NTNG1: variants seen among roughly 807,000 people sequenced by gnomAD.
NTNG1 encodes netrin-G1.
In NTNG1, 16 loss-of-function variants were observed where a neutral mutation model predicts 54.0. The observed-to-expected ratio is 0.30, with a 90% CI of 0.20 to 0.45. The LOEUF (loss-of-function observed/expected upper bound fraction) is 0.45, where lower values mean the gene tolerates loss of function less well. NTNG1 is among the 20% of genes least tolerant of loss of function. The probability of loss-of-function intolerance (pLI) is 1.00; values close to 1 mark genes in which losing one functional copy is unlikely to be tolerated. For missense variants in NTNG1, 530 were observed against 678.7 expected, an observed-to-expected ratio of 0.78 and a Z score of 2.43; for synonymous variants, 255 against 263.1, an observed-to-expected ratio of 0.97 and a Z score of 0.30.
intron 2 of NTNG1, among the ~76,000 whole-genome samples, chr1:107,229,421 A>T (rs776719907): frequency 1.3e-5 from 2 of 151,264 alleles, no homozygotes; most frequent in African/African-American, 4.9e-5. Flanking sequence ...CTGGAATGAG[A>T]ATATTCCTTT....
chr1:107,214,903 TA>T lies in NTNG1; in HGVS notation c.246+66065del, dbSNP rs543224537. 4.6e-3 allele frequency among the ~76,000 whole-genome samples: 705 copies of T among 152,268 alleles called. 1 individual carries two copies. The highest frequency in any genetic ancestry group is 0.016 in the African/African-American group (664 of 41,576). On this transcript the variant is annotated intron_variant, in intron 2 of 7. Transcript: ENST00000370068. ...ATTAGTGATGTTGAGCATTGTTTCATATTTTTTTTGGCCATTTGTATATATT... is the reference window on the plus strand; with the variant it reads ...ATTAGTGATGTTGAGCATTGTTTCATTTTTTTTTGGCCATTTGTATATATT...
intron 7 of NTNG1, among the ~76,000 whole-genome samples, chr1:107,458,544 C>A (rs1203894786): frequency 6.6e-6 from 1 of 152,152 alleles, no homozygotes; most frequent in East Asian, 1.9e-4. Context: ...TCATTTGAGA[C>A]ATGGACAGAA....
At chr1:107,166,852 A>C (rs554751797) in intron 2 of NTNG1, among the ~76,000 whole-genome samples, 2 of 152,304 alleles carry the variant, frequency 1.3e-5, no homozygotes, top group South Asian at 4.1e-4. Context: ...GAGATATACA[A>C]TATCTACATA....
At chr1:107,332,234 GA>G (rs1242417211) in intron 3 of NTNG1, among the ~76,000 whole-genome samples, 1 of 151,994 alleles carries the variant, frequency 6.6e-6, no homozygotes, top group Admixed American at 6.6e-5. Context: ...TTTAAATTAT[GA>G]AATTCATTAG....
chr1:107,191,116 A>G (rs1445874332), intron 2 of NTNG1, among the ~76,000 whole-genome samples: 4 of 152,210 alleles, frequency 2.6e-5, no homozygotes, highest in Non-Finnish European at 5.9e-5. Flanking sequence ...AATGATCGCC[A>G]TTCTAACCGG....
chr1:107,239,828 A>G (rs1661702086), intron 2 of NTNG1, among the ~76,000 whole-genome samples: 1 of 152,232 alleles, frequency 6.6e-6, no homozygotes, highest in Non-Finnish European at 1.5e-5. Flanking sequence ...GGTGGATCTC[A>G]ATATGAAATG....
intron 3 of NTNG1, among the ~76,000 whole-genome samples, chr1:107,380,046 A>ATGTT (rs1440403477): frequency 2.6e-5 from 4 of 152,246 alleles, no homozygotes; most frequent in African/African-American, 9.6e-5. Context: ...AGCATCAAGC[A>ATGTT]TGTTAAGGCA....
chr1:107,457,626 AT>A (rs1677035989), intron 7 of NTNG1, among the ~76,000 whole-genome samples: 1 of 152,096 alleles, frequency 6.6e-6, no homozygotes, highest in South Asian at 2.1e-4. Context: ...AATCTTATGC[AT>A]TTTTTAATAA....
rs563574929 is a variant in NTNG1 at position 107,303,550 on chromosome 1, T to C, written c.247-20732T>C. On this transcript the variant is annotated intron_variant, in intron 2 of 7. Coordinates refer to ENST00000370068, the MANE Select transcript of NTNG1 (RefSeq NM_001113226.3). Reference sequence around the variant, plus strand: ...ATAGATTTATCTTTTCCTTTTTCACTACATTTCTTTGCACTCTGTCATCAA... The same window carrying C: ...ATAGATTTATCTTTTCCTTTTTCACCACATTTCTTTGCACTCTGTCATCAA... Among the ~76,000 whole-genome samples the C allele has an allele frequency of 3.8e-4, 58 of 152,344 alleles. 2 individuals are homozygous for C. The South Asian group carries it at 0.012, about 31-fold the overall frequency.
intron 5 of NTNG1, 180 bp downstream of exon 5, chr1:107,407,888 GA>G: frequency 1.3e-6 from 1 of 748,868 alleles, no homozygotes; most frequent in Non-Finnish European, 2.5e-6. Flanking sequence ...CAGATAAAGT[GA>G]TTATTTGTGC....
intron 6 of NTNG1, 61 bp from the exon 7 acceptor site, chr1:107,436,604 G>A: frequency 6.6e-6 from 10 of 1,503,924 alleles, no homozygotes; most frequent in Non-Finnish European, 9.0e-6. Flanking sequence ...ACGCTCCTGT[G>A]TTGATAACCT....
At chr1:107,203,610 A>G (rs1270220983) in intron 2 of NTNG1, among the ~76,000 whole-genome samples, 1 of 151,312 alleles carries the variant, frequency 6.6e-6, no homozygotes, top group Non-Finnish European at 1.5e-5. Context: ...ACACATATAT[A>G]TAGCTATTCT....
chr1:107,374,323 C>T (rs1358922305), intron 3 of NTNG1, among the ~76,000 whole-genome samples: 3 of 152,038 alleles, frequency 2.0e-5, no homozygotes, highest in African/African-American at 7.2e-5. Flanking sequence ...ATTTATTTGG[C>T]CCACCCATCT....
chr1:107,450,307 T>G (rs1055203447), intron 7 of NTNG1, among the ~76,000 whole-genome samples: 12 of 152,094 alleles, frequency 7.9e-5, no homozygotes, highest in African/African-American at 2.7e-4. Context: ...TGTTGAAAAA[T>G]GCAGCCTCAG....
intron 2 of NTNG1, among the ~76,000 whole-genome samples, chr1:107,197,394 T>C (rs1658423027): frequency 6.6e-6 from 1 of 152,046 alleles, no homozygotes; most frequent in Admixed American, 6.6e-5. Flanking sequence ...GGAATTTTGT[T>C]CTTTAGAAAC....
chr1:107,418,553 T>C (rs772229836), intron 5 of NTNG1: 3 of 1,529,654 alleles, frequency 2.0e-6, no homozygotes, highest in Non-Finnish European at 2.7e-6. Flanking sequence ...GAAAATAACA[T>C]ACCCTGATTT....
At chr1:107,335,722 G>A (rs979626717) in intron 3 of NTNG1, among the ~76,000 whole-genome samples, 1 of 151,652 alleles carries the variant, frequency 6.6e-6, no homozygotes, top group African/African-American at 2.4e-5. Flanking sequence ...TTAAAATTAA[G>A]TTAAAATTCA....
intron 5 of NTNG1, among the ~76,000 whole-genome samples, chr1:107,412,101 C>CT (rs11369988): frequency 0.93 from 137,843 of 148,662 alleles, 64,397 homozygotes; most frequent in Non-Finnish European, 0.99. Context: ...TGTCAAGCCA[C>CT]TTTTTTTTTT....
chr1:107,334,555 A>G (rs1668468922), intron 3 of NTNG1, among the ~76,000 whole-genome samples: 3 of 151,848 alleles, frequency 2.0e-5, no homozygotes, highest in Non-Finnish European at 4.4e-5. Context: ...TTGGATTTGT[A>G]TAGACAGGGT....
Sources: gnomAD v4.1 joint callset for allele counts (sites outside exome capture counted in the v4.1 genomes callset) on GRCh38, gnomAD v4.1.1 for gene constraint, MANE v1.5 for transcripts, NCBI Gene and HGNC (gene_info 2026-07-23, HGNC 2026-07-21) for gene names.